DNAJC16: variants seen among roughly 807,000 people sequenced by gnomAD.
The protein encoded by DNAJC16 is DnaJ heat shock protein family (Hsp40) member C16.
Under a neutral mutation model 92.7 loss-of-function variants are expected in DNAJC16, and 76 were observed. The observed-to-expected ratio is 0.82, with a 90% CI of 0.68 to 0.99. The LOEUF is 0.99. DNAJC16 is among the 50% of genes least tolerant of loss of function. The probability of loss-of-function intolerance (pLI) is 0.00; values close to 1 mark genes in which losing one functional copy is unlikely to be tolerated. For missense variants in DNAJC16, 869 were observed against 942.4 expected, an observed-to-expected ratio of 0.92 and a Z score of 1.02; for synonymous variants, 328 against 358.7, an observed-to-expected ratio of 0.91 and a Z score of 0.97.
chr1:15,528,880 C>T (rs1401908435), intron 1 of DNAJC16, among the ~76,000 whole-genome samples: 1 of 152,196 alleles, frequency 6.6e-6, no homozygotes, highest in African/African-American at 2.4e-5. Flanking sequence ...TATTACTCAT[C>T]TTTTCATCTG....
chr1:15,545,827 G>C (rs1270163223), intron 5 of DNAJC16, among the ~76,000 whole-genome samples: 1 of 152,180 alleles, frequency 6.6e-6, no homozygotes, highest in African/African-American at 2.4e-5. Context: ...ATGCAGTATG[G>C]AAAGATAAAC....
chr1:15,545,041 ATAT>A (rs1261690219), intron 5 of DNAJC16, among the ~76,000 whole-genome samples: 1 of 152,220 alleles, frequency 6.6e-6, no homozygotes, highest in African/African-American at 2.4e-5. Context: ...ATGAAATCAA[ATAT>A]TATTTTTGAA....
intron 8 of DNAJC16, chr1:15,560,168 G>T (rs1638660148): frequency 6.6e-6 from 1 of 152,078 alleles, no homozygotes; most frequent in Non-Finnish European, 1.5e-5. Context: ...AGATGTGCCA[G>T]CCTGTCCTAG....
intron 2 of DNAJC16, 42 bp downstream of exon 2, chr1:15,529,314 A>G: frequency 2.6e-6 from 4 of 1,556,874 alleles, no homozygotes; most frequent in Non-Finnish European, 3.5e-6. Flanking sequence ...TAAGCTAAAC[A>G]GTCTTAGCAG....
In DNAJC16 at chr1:15,536,599, A is replaced by G. The variant is rs1200015374; in HGVS notation, c.359A>G (p.Tyr120Cys). 2 of 1,613,978 alleles carry G rather than the reference A, an allele frequency of 1.2e-6. No individual in the cohort carries two copies. Among genetic ancestry groups the G allele is most frequent in the Non-Finnish European group, 1.7e-6 (2 of 1,180,006 alleles). The change falls in exon 4 of 15, where the codon TAT becomes TGT. Residue 120 changes from tyrosine (Y) to cysteine (C), a missense_variant. Coordinates refer to ENST00000375847, the MANE Select transcript of DNAJC16 (RefSeq NM_015291.4). ...YRFRHFHENF[Y>C]FDESFFHFPF... ...TTCCGCCATTTCCATGAAAATTTTT[A>G]TTTTGATGAATCCTTTTTTCACTTC...
At chr1:15,537,823 G>T (rs1327646214) in intron 4 of DNAJC16, among the ~76,000 whole-genome samples, 1 of 152,206 alleles carries the variant, frequency 6.6e-6, no homozygotes, top group African/African-American at 2.4e-5. Context: ...ATAAGCATCA[G>T]TATTGGGTTG....
Position 15,536,048 on chromosome 1 carries a change from ATTTCTTTTCT to A in DNAJC16, c.235-408_235-399del, listed in dbSNP as rs199841857. ...CACATAATCGTGTCATAATTTTTAC[ATTTCTTTTCT>A]TTTCTTTTCTTTTCTTTTTTTTTTT... On this transcript the variant is annotated intron_variant, in intron 3 of 14. Coordinates refer to ENST00000375847, the MANE Select transcript of DNAJC16 (RefSeq NM_015291.4). Among the ~76,000 whole-genome samples the A allele has an allele frequency of 9.3e-3, 1,225 of 132,248 alleles. 59 individuals carry two copies. Among genetic ancestry groups the A allele is most frequent in the African/African-American group, 0.011 (369 of 34,922 alleles). The allele number at this position is 132,248 out of a possible 152,430, so 86.8% of individuals were successfully genotyped here. A position where few individuals can be genotyped will look rare whatever the true frequency, so the allele number is the denominator to read the frequency against.
intron 9 of DNAJC16, among the ~76,000 whole-genome samples, chr1:15,562,859 A>G (rs1010370948): frequency 1.3e-5 from 2 of 151,238 alleles, no homozygotes; most frequent in Admixed American, 1.3e-4. Context: ...CACAGAAACC[A>G]TGTTTTCTAT....
At chr1:15,537,775 A>C (rs1383101914) in intron 4 of DNAJC16, among the ~76,000 whole-genome samples, 2 of 152,236 alleles carry the variant, frequency 1.3e-5, no homozygotes, top group African/African-American at 4.8e-5. Context: ...GAACTAAGGC[A>C]TTGAAGGTTA....
At chr1:15,542,924 C>A (rs561427002) in intron 4 of DNAJC16, among the ~76,000 whole-genome samples, 2 of 152,302 alleles carry the variant, frequency 1.3e-5, no homozygotes, top group South Asian at 4.1e-4. Context: ...AGTGAGACCC[C>A]ATCTCTTACA....
chr1:15,550,364 C>T (rs1638417690), intron 7 of DNAJC16, among the ~76,000 whole-genome samples: 1 of 152,148 alleles, frequency 6.6e-6, no homozygotes, highest in Admixed American at 6.5e-5. Context: ...GCTGCTTTAC[C>T]AGCTTGCTCT....
intron 3 of DNAJC16, among the ~76,000 whole-genome samples, chr1:15,535,942 T>A (rs2103405290): frequency 6.6e-6 from 1 of 151,424 alleles, no homozygotes; most frequent in Non-Finnish European, 1.5e-5. Context: ...TTTTTTTTTT[T>A]CTTTTTGTAG....
At chr1:15,542,383 A>C (rs1344034967) in intron 4 of DNAJC16, 3 of 152,256 alleles carry the variant, frequency 2.0e-5, no homozygotes, top group Non-Finnish European at 4.4e-5. Context: ...GGCTGAACAC[A>C]TGGAGGTGCC....
intron 7 of DNAJC16, among the ~76,000 whole-genome samples, chr1:15,553,248 T>TG (rs1638489972): frequency 1.3e-5 from 2 of 152,172 alleles, no homozygotes; most frequent in African/African-American, 4.8e-5. Context: ...TGTTTTGTTT[T>TG]TTTGAGATGG....
At chr1:15,536,856 C>CTT in intron 4 of DNAJC16, 42 bp downstream of exon 4, 61 of 1,187,982 alleles carry the variant, frequency 5.1e-5, no homozygotes, top group Non-Finnish European at 5.5e-5. Context: ...ATATAGATGA[C>CTT]TTTTTTTTTT....
At chr1:15,528,444 A>AT (rs1196864670) in intron 1 of DNAJC16, among the ~76,000 whole-genome samples, 1 of 146,984 alleles carries the variant, frequency 6.8e-6, no homozygotes, top group African/African-American at 2.5e-5. Flanking sequence ...AAAAAAAAAA[A>AT]CAAAAAAACA....
At chr1:15,537,277 C>T (rs1214220424) in intron 4 of DNAJC16, among the ~76,000 whole-genome samples, 1 of 152,124 alleles carries the variant, frequency 6.6e-6, no homozygotes, top group Non-Finnish European at 1.5e-5. Flanking sequence ...GTGAGCTGAG[C>T]CTTGAAGGGG....
intron 13 of DNAJC16, chr1:15,566,607 GCA>G: frequency 5.3e-6 from 1 of 188,872 alleles, no homozygotes; most frequent in Admixed American, 5.4e-5. Context: ...ATCAAGCAGG[GCA>G]CAGTGGCTCA....
intron 7 of DNAJC16, among the ~76,000 whole-genome samples, chr1:15,550,263 C>T (rs10803392): frequency 0.29 from 43,998 of 152,114 alleles, 6,898 homozygotes; most frequent in East Asian, 0.58. Flanking sequence ...ATTGGTCTTT[C>T]GGAACAGTTT....
Sources: allele counts gnomAD v4.1 joint callset (sites outside exome capture counted in the v4.1 genomes callset), GRCh38; gene constraint gnomAD v4.1.1; transcripts MANE v1.5; gene names NCBI Gene and HGNC (gene_info 2026-07-23, HGNC 2026-07-21).